Variants in MGAM observed in about 807,000 individuals in gnomAD.
MGAM encodes maltase-glucoamylase.
MGAM carries 253 observed loss-of-function variants against 358.8 expected under a neutral mutation model. The ratio of observed to expected loss-of-function variants is 0.71; its 90% CI spans 0.64 to 0.78. The LOEUF is 0.78. MGAM is among the 30% of genes least tolerant of loss of function. The probability of loss-of-function intolerance (pLI) is 0.00; values close to 1 mark genes in which losing one functional copy is unlikely to be tolerated. For synonymous variants in MGAM, 1,105 were observed against 1,227.1 expected (o/e 0.90, Z 2.08); for missense variants, 3,080 against 3,432.6 (o/e 0.90, Z 2.57).
rs1458860849 is a variant in MGAM, at chr7:142,054,776, G to A, written c.3182G>A (p.Arg1061Gln). Residue 1061 changes from arginine to glutamine, a missense_variant, in exon 27 of 71, where the codon CGG becomes CAG. Around this residue, in one of 5 missense-constraint regions of MGAM, gnomAD observed 1,816 missense variants for 1,840.5 expected, o/e 0.99. Transcript: ENST00000475668. Reference protein sequence around the residue: ...QFKIYDPNKNRYEVPVPLNIP... With the variant: ...QFKIYDPNKNQYEVPVPLNIP... ...TAGATTTATGATCCCAACAAGAATC[G>A]GTATGAAGTTCCAGTCCCTCTGAAC... The A allele has an allele frequency of 6.2e-6, 10 of 1,613,760 alleles. No homozygotes were observed. In the South Asian group the frequency reaches 7.7e-5, roughly 12 times the overall value.
In MGAM at chr7:142,070,085, C is replaced by T. The variant is rs192398787; in HGVS notation, c.5062-909C>T. 4.8e-3 allele frequency among the ~76,000 whole-genome samples: 687 copies of T among 143,988 alleles called. 95 individuals carry two copies. Among genetic ancestry groups the T allele is most frequent in the Non-Finnish European group, 7.9e-3 (505 of 63,622 alleles). The allele number at this position is 143,988 out of a possible 152,430, so 94.5% of individuals were successfully genotyped here. A position where few individuals can be genotyped will look rare whatever the true frequency, so the allele number is the denominator to read the frequency against. On this transcript the variant is annotated intron_variant, in intron 43 of 70. Coordinates refer to ENST00000475668, the MANE Select transcript of MGAM (RefSeq NM_001365693.1). The stretch of plus-strand genomic sequence containing the variant: ...GCATGCACCTGTAGTCCCAGCTACT[C>T]GGGAGGCTGAGGCATGACAATTGTT...
rs1288283027 is a variant in MGAM, at chr7:142,065,943, GT to G, written c.4770+121del. ...TCCTGGGATATCTTTAAAAAAAGGT[GT>G]TTTTTTTTGTTTTGTTTTGTTTTGT... On this transcript the variant is annotated intron_variant, in intron 40 of 70. Transcript: ENST00000475668. 618 of 645,706 alleles carry G rather than the reference GT, an allele frequency of 9.6e-4. 20 individuals are homozygous for G. The African/African-American group carries it at 0.01, about 11-fold the overall frequency. 40.0% of individuals were successfully genotyped at this position (645,706 alleles called of 1,614,324 possible). A position where few individuals can be genotyped will look rare whatever the true frequency, so the allele number is the denominator to read the frequency against.
intron 66 of MGAM, 38 bp downstream of exon 66, chr7:142,097,687 G>A: frequency 6.4e-7 from 1 of 1,562,892 alleles, no homozygotes; most frequent in Non-Finnish European, 8.8e-7. Flanking sequence ...ACGGGAAAAT[G>A]GTAGAGAGTA....
chr7:142,005,564 T>G lies in MGAM; in HGVS notation c.34T>G (p.Leu12Val). The G allele has an allele frequency of 6.3e-7, 1 of 1,574,940 alleles. No individual in the cohort carries two copies. The highest frequency in any genetic ancestry group is 8.6e-7 in the Non-Finnish European group (1 of 1,162,198). The change falls in exon 2 of 71, where the codon TTG (leucine) becomes GTG (valine). Residue 12 changes from leucine (L) to valine (V), a missense_variant. Around this residue, in one of 5 missense-constraint regions of MGAM, gnomAD observed 1,816 missense variants for 1,840.5 expected, o/e 0.99. Transcript: ENST00000475668. ...ARKKLKKFTTLEIVLSVLLLV... is the reference protein window; with the variant it reads ...ARKKLKKFTTVEIVLSVLLLV... Reference sequence around the variant, plus strand: ...AAAGAAGCTGAAAAAATTTACTACTTTGGAGATTGTGCTCAGTGTTCTTCT... The same window carrying G: ...AAAGAAGCTGAAAAAATTTACTACTGTGGAGATTGTGCTCAGTGTTCTTCT...
intron 54 of MGAM, among the ~76,000 whole-genome samples, chr7:142,085,429 T>G (rs949900588): frequency 2.1e-4 from 30 of 145,944 alleles, no homozygotes; most frequent in African/African-American, 7.1e-4. Context: ...AGATTTACCA[T>G]CCACATTGTA....
At chr7:142,070,047 G>A (rs1322276919) in intron 43 of MGAM, among the ~76,000 whole-genome samples, 1 of 144,516 alleles carries the variant, frequency 6.9e-6, no homozygotes, top group Non-Finnish European at 1.6e-5. Flanking sequence ...AAAACAATTA[G>A]CCGGGTGTAG....
rs1224977679 is a variant in MGAM at position 142,068,265 on chromosome 7, G to A, written c.5005-382G>A. 1.4e-5 allele frequency among the ~76,000 whole-genome samples: 2 copies of A among 141,308 alleles called. 1 individual carries two copies. Among genetic ancestry groups the A allele is most frequent in the Non-Finnish European group, 3.2e-5 (2 of 62,422 alleles). The allele number at this position is 141,308 out of a possible 152,430, so 92.7% of individuals were successfully genotyped here. A position where few individuals can be genotyped will look rare whatever the true frequency, so the allele number is the denominator to read the frequency against. On this transcript the variant is annotated intron_variant, in intron 42 of 70. Coordinates refer to ENST00000475668, the MANE Select transcript of MGAM (RefSeq NM_001365693.1). ...GCCTGACTTGGACTCCCAAAGAGCT[G>A]GGATTACAGGCATGAGCCATCGCGC...
chr7:142,058,067 T>G, intron 30 of MGAM, 136 bp from the exon 31 acceptor site: 1 of 1,381,892 alleles, frequency 7.2e-7, no homozygotes, highest in South Asian at 1.4e-5. Flanking sequence ...TGGCTCTATA[T>G]CCTGTCAGTT....
intron 24 of MGAM, 71 bp downstream of exon 24, chr7:142,050,935 G>A: frequency 6.2e-7 from 1 of 1,602,028 alleles, no homozygotes. Context: ...TTCTTGCCAA[G>A]TTTGCATGGG....
rs187566221 is a variant in MGAM at position 142,102,604 on chromosome 7, A to G, written c.7964-26A>G. ...GAGTTCTACAGCACAGGTCCAGGCC[A>G]TGTTTATCTTGTTTTTTGTTTGCAG... On this transcript the variant is annotated intron_variant, in intron 68 of 70. Coordinates refer to ENST00000475668, the MANE Select transcript of MGAM (RefSeq NM_001365693.1). The G allele has an allele frequency of 2.5e-5, 40 of 1,608,836 alleles. No homozygotes were observed. The African/African-American group carries it at 4.0e-4, about 16-fold the overall frequency.
At chr7:142,031,610 G>C (rs766372404) in intron 12 of MGAM, 70 bp from the exon 13 acceptor site, 30 of 1,081,296 alleles carry the variant, frequency 2.8e-5, no homozygotes, top group Non-Finnish European at 4.0e-5. Flanking sequence ...GAATTTCTTT[G>C]CAAAGTACTT....
In MGAM at chr7:142,044,064, C is replaced by G. The variant is rs1485587725; in HGVS notation, c.2498+3218C>G. Among the ~76,000 whole-genome samples, 218 of 131,636 alleles carry G rather than the reference C, an allele frequency of 1.7e-3. 13 individuals are homozygous for G. Among genetic ancestry groups the G allele is most frequent in the East Asian group, 9.9e-3 (42 of 4,244 alleles). The allele number at this position is 131,636 out of a possible 152,430, so 86.4% of individuals were successfully genotyped here. A position where few individuals can be genotyped will look rare whatever the true frequency, so the allele number is the denominator to read the frequency against. On this transcript the variant is annotated intron_variant, in intron 21 of 70. Coordinates refer to ENST00000475668, the MANE Select transcript of MGAM (RefSeq NM_001365693.1). ...ATAATATATACATTATATACACATA[C>G]GACGTATAATACATTATATACACAT...
At chr7:142,004,010 A>C (rs1480047079) in intron 1 of MGAM, among the ~76,000 whole-genome samples, 1 of 152,132 alleles carries the variant, frequency 6.6e-6, no homozygotes, top group East Asian at 1.9e-4. Flanking sequence ...TACACTGGTC[A>C]GAATGGCTAT....
rs372853118 is a variant in MGAM at position 142,034,695 on chromosome 7, A to G, written c.1813A>G (p.Lys605Glu). The G allele has an allele frequency of 6.2e-6, 10 of 1,613,442 alleles. No homozygotes were observed. The African/African-American group carries it at 8.0e-5, about 13-fold the overall frequency. The part of the protein sequence containing the change: ...AEAAKTVFPN[K>E]RSFILTRSTF... ...AGCTGCCAAGACTGTGTTCCCTAAT[A>G]AGAGAAGCTTCATTCTGACCCGTTC... Residue 605 changes from lysine to glutamate, a missense_variant, in exon 16 of 71, where the codon AAG becomes GAG. Lys to Glu is a moderately conservative substitution (Grantham distance 56). Coordinates refer to ENST00000475668, the MANE Select transcript of MGAM (RefSeq NM_001365693.1).
chr7:142,093,574 A>C, intron 60 of MGAM, 24 bp downstream of exon 60: 1 of 1,492,032 alleles, frequency 6.7e-7, no homozygotes, highest in Non-Finnish European at 9.1e-7. Flanking sequence ...TCCCTTCTCC[A>C]GCTGTCACAA....
chr7:142,098,832 A>G (rs2129064533), intron 66 of MGAM, among the ~76,000 whole-genome samples: 1 of 152,332 alleles, frequency 6.6e-6, no homozygotes, highest in East Asian at 1.9e-4. Context: ...TATTTAGAAA[A>G]AGATGAAATT....
In MGAM at chr7:142,031,771, T is replaced by C; in HGVS notation, c.1562T>C (p.Val521Ala). Residue 521 changes from valine to alanine, a missense_variant, in exon 13 of 71, where the codon GTA becomes GCA. Coordinates refer to ENST00000475668, the MANE Select transcript of MGAM (RefSeq NM_001365693.1). ...TKEFELFHNQ[V>A]EFDGIWIDMN... The stretch of plus-strand genomic sequence containing the variant: ...GAATTTGAGCTTTTTCACAATCAAG[T>C]AGAGTTTGATGGAATCTGGATTGTG... The C allele has an allele frequency of 2.5e-6, 4 of 1,607,316 alleles. No homozygotes were observed. Among genetic ancestry groups the C allele is most frequent in the Non-Finnish European group, 2.6e-6 (3 of 1,173,904 alleles).
chr7:141,998,881 G>A (rs1424952001), intron 1 of MGAM, among the ~76,000 whole-genome samples: 3 of 152,106 alleles, frequency 2.0e-5, no homozygotes, highest in South Asian at 2.1e-4. Flanking sequence ...CAGTGTAAAA[G>A]CGTTCATATG....
Position 142,076,556 on chromosome 7 carries a change from G to A in MGAM, c.5326-103G>A, listed in dbSNP as rs556466797. The A allele has an allele frequency of 1.3e-4, 136 of 1,087,068 alleles. 11 individuals carry two copies. The South Asian group carries it at 1.8e-3, about 15-fold the overall frequency. The allele number at this position is 1,087,068 out of a possible 1,614,324, so 67.3% of individuals were successfully genotyped here. The stretch of plus-strand genomic sequence containing the variant: ...GTAGAGAAAGCAGAGAGGCATTCAT[G>A]GCAGTGGGGGGTATCCAGTCTGGAA... On this transcript the variant is annotated intron_variant, in intron 46 of 70. Transcript: ENST00000475668.
Sources: gnomAD v4.1 joint callset for allele counts (sites outside exome capture counted in the v4.1 genomes callset) on GRCh38, gnomAD v4.1.1 for gene constraint, gnomAD v4.1.1 regional missense constraint, MANE v1.5 for transcripts, NCBI Gene and HGNC (gene_info 2026-07-23, HGNC 2026-07-21) for gene names.